Variants in CHGB observed in about 807,000 individuals in gnomAD.
CHGB encodes chromogranin B.
A neutral mutation model predicts 69.9 loss-of-function variants in CHGB; 46 were observed. That is an observed-to-expected ratio of 0.66 (90% CI 0.52 to 0.84). The LOEUF (loss-of-function observed/expected upper bound fraction) is 0.84. Among genes scored for constraint, CHGB ranks in the 40% least tolerant of loss-of-function variants. CHGB has a pLI of 0.00. For missense variants in CHGB, 796 were observed against 822.2 expected, an observed-to-expected ratio of 0.97 and a Z score of 0.39; for synonymous variants, 312 against 298.2, an observed-to-expected ratio of 1.05 and a Z score of -0.48.
intron 3 of CHGB, chr20:5,917,128 G>C: frequency 3.4e-6 from 2 of 586,520 alleles, no homozygotes; most frequent in South Asian, 4.1e-5. Context: ...CTATAGGAAA[G>C]ACAGTTTGCC....
intron 1 of CHGB, 94 bp downstream of exon 1, chr20:5,911,776 A>AT (rs1234848423): frequency 1.7e-6 from 2 of 1,198,318 alleles, no homozygotes; most frequent in East Asian, 6.3e-5. Context: ...ATCCCGGGAG[A>AT]GAGGGAGGGT....
In CHGB at chr20:5,916,857, A is replaced by G. The variant is rs2122569374; in HGVS notation, c.128A>G (p.Asn43Ser). ...CGCTGCATCATTGAGGTCCTCTCAA[A>G]TGCCTTGTCGAAGTCCAGCGCTCCA... Reference protein sequence around the residue: ...VTRCIIEVLSNALSKSSAPPI... With the variant: ...VTRCIIEVLSSALSKSSAPPI... Residue 43 changes from asparagine to serine, a missense_variant, in exon 3 of 5, where the codon AAT (asparagine) becomes AGT (serine). Physicochemically the swap from Asn to Ser is conservative, Grantham distance 46. Coordinates refer to ENST00000378961, the MANE Select transcript of CHGB (RefSeq NM_001819.3). The G allele has an allele frequency of 6.2e-7, 1 of 1,614,174 alleles. No homozygotes were observed. The highest frequency in any genetic ancestry group is 8.5e-7 in the Non-Finnish European group (1 of 1,180,040).
intron 1 of CHGB, among the ~76,000 whole-genome samples, chr20:5,913,875 G>T (rs1018455527): frequency 1.3e-5 from 2 of 151,786 alleles, no homozygotes; most frequent in Non-Finnish European, 2.9e-5. Flanking sequence ...CAGGTAATCC[G>T]CCAGCCTCGG....
Position 5,922,329 on chromosome 20 carries a change from T to C in CHGB, c.191-6T>C. The C allele has an allele frequency of 3.9e-6, 6 of 1,522,550 alleles. No individual in the cohort carries two copies. Among genetic ancestry groups the C allele is most frequent in the East Asian group, 2.3e-5 (1 of 43,858 alleles). The allele number at this position is 1,522,550 out of a possible 1,614,324, so 94.3% of individuals were successfully genotyped here. A position where few individuals can be genotyped will look rare whatever the true frequency, so the allele number is the denominator to read the frequency against. ...AAATTATACCTACTCTTCATTTTCA[T>C]TATAGGTAGAAAAGACGTCAAAGAC... On this transcript the variant is annotated splice_region_variant and splice_polypyrimidine_tract_variant and intron_variant, in intron 3 of 4. Coordinates refer to ENST00000378961, the MANE Select transcript of CHGB (RefSeq NM_001819.3).
chr20:5,911,953 C>T (rs1293351041), intron 1 of CHGB, among the ~76,000 whole-genome samples: 1 of 152,196 alleles, frequency 6.6e-6, no homozygotes, highest in Non-Finnish European at 1.5e-5. Flanking sequence ...AGGAAGAAAA[C>T]GTGCCATACC....
rs779863087 is a variant in CHGB at position 5,923,089 on chromosome 20, C to T, written c.945C>T (p.Asn315=). Reference sequence around the variant, plus strand: ...CCCAGGAGGAATCTGAGGAGTCAAACGTCAGCATGGCCAGTTTAGGGGAAA... The same window carrying T: ...CCCAGGAGGAATCTGAGGAGTCAAATGTCAGCATGGCCAGTTTAGGGGAAA... ...GHPQEESEES[N]VSMASLGEKR... The change falls in exon 4 of 5, where the codon AAC becomes AAT. Residue 315 remains asparagine (N), a synonymous_variant. Coordinates refer to ENST00000378961, the MANE Select transcript of CHGB (RefSeq NM_001819.3). 1.4e-5 allele frequency: 22 copies of T among 1,614,070 alleles called. No individual in the cohort carries two copies. The highest frequency in any genetic ancestry group is 3.3e-5 in the Admixed American group (2 of 60,014).
intron 1 of CHGB, among the ~76,000 whole-genome samples, chr20:5,913,519 GA>G (rs2088457723): frequency 6.6e-6 from 1 of 152,016 alleles, no homozygotes; most frequent in Non-Finnish European, 1.5e-5. Context: ...ACCTTCTATG[GA>G]AGCTATTGTG....
At chr20:5,914,042 TC>T (rs2088462091) in intron 1 of CHGB, among the ~76,000 whole-genome samples, 1 of 152,222 alleles carries the variant, frequency 6.6e-6, no homozygotes, top group African/African-American at 2.4e-5. Context: ...CAGAAGTTGC[TC>T]TCAGATTTAC....
Position 5,911,514 on chromosome 20 carries a change from C to G in CHGB, c.-120C>G, listed in dbSNP as rs905395817. 1.8e-6 allele frequency: 2 copies of G among 1,102,946 alleles called. No individual in the cohort carries two copies. Among genetic ancestry groups the G allele is most frequent in the African/African-American group, 3.3e-5 (2 of 60,802 alleles). The allele number at this position is 1,102,946 out of a possible 1,614,324, so 68.3% of individuals were successfully genotyped here. The stretch of plus-strand genomic sequence containing the variant: ...GGGGCCTGCGCCGGCCGCGCCACAC[C>G]GCGGGGACCAGGAGGCACGCTGGTT... On this transcript the variant is annotated 5_prime_UTR_variant, in exon 1 of 5. Transcript: ENST00000378961.
In CHGB at chr20:5,923,786, G is replaced by A. The variant is rs893618013; in HGVS notation, c.1642G>A (p.Glu548Lys). 2.1e-5 allele frequency: 34 copies of A among 1,614,082 alleles called. No homozygotes were observed. The highest frequency in any genetic ancestry group is 2.7e-5 in the African/African-American group (2 of 74,940). The change falls in exon 4 of 5, where the codon GAG (glutamate) becomes AAG (lysine). Residue 548 changes from glutamate (E) to lysine (K), a missense_variant. Around this residue, in one of 3 missense-constraint regions of CHGB, gnomAD observed 274 missense variants for 298.9 expected, o/e 0.92. Coordinates refer to ENST00000378961, the MANE Select transcript of CHGB (RefSeq NM_001819.3). ...RRDNMNDNFL[E>K]GEEENELTLN... The stretch of plus-strand genomic sequence containing the variant: ...AGACAACATGAATGACAATTTTCTC[G>A]AGGGTGAGGAGGAAAATGAGCTGAC...
chr20:5,920,240 ACT>A (rs2088505985), intron 3 of CHGB, among the ~76,000 whole-genome samples: 1 of 152,216 alleles, frequency 6.6e-6, no homozygotes, highest in Admixed American at 6.5e-5. Flanking sequence ...GACACTTAAG[ACT>A]CACAAACCAG....
chr20:5,911,584 C>G lies in CHGB; in HGVS notation c.-50C>G. 13 of 1,514,078 alleles carry G rather than the reference C, an allele frequency of 8.6e-6. No homozygotes were observed. Among genetic ancestry groups the G allele is most frequent in the Non-Finnish European group, 1.1e-5 (13 of 1,135,484 alleles). 93.8% of individuals were successfully genotyped at this position (1,514,078 alleles called of 1,614,324 possible). ...CGCCTTCCTCCTGCGCCTCGCTTCT[C>G]CGGTCCAGCCGCCATCTTCCTTTCC... is the stretch of plus-strand genomic sequence containing the variant. On this transcript the variant is annotated 5_prime_UTR_variant, in exon 1 of 5. Coordinates refer to ENST00000378961, the MANE Select transcript of CHGB (RefSeq NM_001819.3).
In CHGB at chr20:5,922,547, G is replaced by C. The variant is rs759973072; in HGVS notation, c.403G>C (p.Asp135His). The change falls in exon 4 of 5, where the codon GAT (aspartate) becomes CAT (histidine). Residue 135 changes from aspartate to histidine, a missense_variant. Coordinates refer to ENST00000378961, the MANE Select transcript of CHGB (RefSeq NM_001819.3). The part of the protein sequence containing the change: ...EGGGHSRERA[D>H]EPQWSLYPSD... Reference sequence around the variant, plus strand: ...AGGCGGGCACAGCCGAGAGCGAGCGGATGAGCCCCAGTGGAGCCTCTATCC... The same window carrying C: ...AGGCGGGCACAGCCGAGAGCGAGCGCATGAGCCCCAGTGGAGCCTCTATCC... 4 of 1,613,386 alleles carry C rather than the reference G, an allele frequency of 2.5e-6. No individual in the cohort carries two copies. In the South Asian group the frequency reaches 4.4e-5, roughly 18 times the overall value.
chr20:5,922,274 C>T, intron 3 of CHGB, 61 bp from the exon 4 acceptor site: 1 of 1,486,224 alleles, frequency 6.7e-7, no homozygotes, highest in South Asian at 1.5e-5. Context: ...ATTACTGAGG[C>T]TGGTGCTTGT....
Position 5,916,464 on chromosome 20 carries a change from C to T in CHGB, c.96+92C>T, listed in dbSNP as rs955309471. On this transcript the variant is annotated intron_variant, in intron 2 of 4. Coordinates refer to ENST00000378961, the MANE Select transcript of CHGB (RefSeq NM_001819.3). ...TATACCAAACCAAACACACGCATGA[C>T]ATAATCTTACAAAGCCAGGTTTTCA... 1.5e-5 allele frequency: 17 copies of T among 1,102,722 alleles called. No individual in the cohort carries two copies. In the Admixed American group the frequency reaches 2.7e-4, roughly 18 times the overall value. The allele number at this position is 1,102,722 out of a possible 1,614,324, so 68.3% of individuals were successfully genotyped here. A position where few individuals can be genotyped will look rare whatever the true frequency, so the allele number is the denominator to read the frequency against.
At chr20:5,911,757 G>A (rs1329014897) in intron 1 of CHGB, 75 bp downstream of exon 1, 3 of 1,304,564 alleles carry the variant, frequency 2.3e-6, no homozygotes, top group Non-Finnish European at 3.0e-6. Flanking sequence ...CCCGCAGCCA[G>A]GCTGGCGGAT....
At chr20:5,917,165 G>C in intron 3 of CHGB, 1 of 517,176 alleles carries the variant, frequency 1.9e-6, no homozygotes, top group South Asian at 2.2e-5. Context: ...TAAAATGAAG[G>C]AGTTGAACTC....
Position 5,922,576 on chromosome 20 carries a change from C to T in CHGB, c.432C>T (p.Ser144=), listed in dbSNP as rs368450620. 1.6e-5 allele frequency: 26 copies of T among 1,613,632 alleles called. No homozygotes were observed. Among genetic ancestry groups the T allele is most frequent in the Non-Finnish European group, 1.9e-5 (22 of 1,179,874 alleles). The change falls in exon 4 of 5, where the codon TCC becomes TCT. Residue 144 remains serine (S), a synonymous_variant. Transcript: ENST00000378961. ...ADEPQWSLYP[S]DSQVSEEVKT... ...AGCCCCAGTGGAGCCTCTATCCCTC[C>T]GACAGCCAAGTCTCTGAAGAAGTGA...
At chr20:5,917,581 GCTTT>G (rs2088483412) in intron 3 of CHGB, 1 of 152,608 alleles carries the variant, frequency 6.6e-6, no homozygotes, top group African/African-American at 2.4e-5. Context: ...CAGACTAATG[GCTTT>G]CTGAGTCCAG....
Sources: gnomAD v4.1 joint callset for allele counts (sites outside exome capture counted in the v4.1 genomes callset) on GRCh38, gnomAD v4.1.1 for gene constraint, gnomAD v4.1.1 regional missense constraint, MANE v1.5 for transcripts, NCBI Gene and HGNC (gene_info 2026-07-23, HGNC 2026-07-21) for gene names.